DLGAP2: variants seen among roughly 807,000 people sequenced by gnomAD.
DLGAP2 encodes the protein DLG associated protein 2.
Under a neutral mutation model 100.3 loss-of-function variants are expected in DLGAP2, and 26 were observed. The observed-to-expected ratio is 0.26, with a 90% CI of 0.19 to 0.36. The LOEUF (loss-of-function observed/expected upper bound fraction) is 0.36. Ranked by LOEUF, DLGAP2 falls within the 10% of genes least tolerant of loss-of-function variation. DLGAP2 has a pLI of 1.00. For missense variants in DLGAP2, 1,858 were observed against 1,453.2 expected, an observed-to-expected ratio of 1.28 and a Z score of -4.53; for synonymous variants, 886 against 630.1, an observed-to-expected ratio of 1.41 and a Z score of -6.08.
chr8:973,142 A>G (rs1023774546), intron 2 of DLGAP2, among the ~76,000 whole-genome samples: 3 of 152,216 alleles, frequency 2.0e-5, no homozygotes, highest in Non-Finnish European at 4.4e-5. Context: ...TACACCTCCC[A>G]GATGGGGTGG....
intron 3 of DLGAP2, among the ~76,000 whole-genome samples, chr8:1,313,557 A>C (rs1347141772): frequency 1.3e-5 from 2 of 152,220 alleles, no homozygotes; most frequent in Non-Finnish European, 2.9e-5. Flanking sequence ...TGGGTTCCTC[A>C]TAAAGGTTTT....
At chr8:1,442,624 C>T (rs571608087) in intron 3 of DLGAP2, among the ~76,000 whole-genome samples, 2 of 144,892 alleles carry the variant, frequency 1.4e-5, no homozygotes, top group East Asian at 2.1e-4. Flanking sequence ...ATAGACCCGC[C>T]AGGCTGATGT....
chr8:1,553,252 G>A (rs751061141), intron 5 of DLGAP2, among the ~76,000 whole-genome samples: 2 of 152,162 alleles, frequency 1.3e-5, no homozygotes, highest in Non-Finnish European at 2.9e-5. Context: ...CGCGTCCTGC[G>A]CTCCTGGTTT....
At chr8:1,629,963 T>TA (rs1172003246) in intron 7 of DLGAP2, among the ~76,000 whole-genome samples, 2 of 152,178 alleles carry the variant, frequency 1.3e-5, no homozygotes, top group Non-Finnish European at 1.5e-5. Context: ...TCAGTGAAAA[T>TA]AACATTTTCT....
intron 3 of DLGAP2, among the ~76,000 whole-genome samples, chr8:1,327,841 C>A (rs996059769): frequency 6.6e-6 from 1 of 152,054 alleles, no homozygotes; most frequent in African/African-American, 2.4e-5. Flanking sequence ...GAGACTCCGT[C>A]TCAAAAAAAT....
intron 8 of DLGAP2, among the ~76,000 whole-genome samples, chr8:1,657,614 C>T (rs545661281): frequency 3.3e-5 from 5 of 152,332 alleles, no homozygotes; most frequent in Admixed American, 2.0e-4. Context: ...ACAATTCTAT[C>T]ACACAGGGCT....
intron 1 of DLGAP2, among the ~76,000 whole-genome samples, chr8:741,753 G>T (rs1373448238): frequency 6.6e-6 from 1 of 152,226 alleles, no homozygotes; most frequent in Admixed American, 6.5e-5. Context: ...GGGTTGGCTT[G>T]GCGGACCCTA....
At chr8:1,292,927 G>A (rs1002728013) in intron 3 of DLGAP2, among the ~76,000 whole-genome samples, 13 of 152,098 alleles carry the variant, frequency 8.5e-5, no homozygotes, top group Non-Finnish European at 1.8e-4. Flanking sequence ...TCCTAAGCAC[G>A]TGTCCTCCCT....
intron 3 of DLGAP2, among the ~76,000 whole-genome samples, chr8:1,472,864 C>G (rs1211983381): frequency 6.6e-6 from 1 of 152,236 alleles, no homozygotes; most frequent in Non-Finnish European, 1.5e-5. Context: ...ATACTTTTCA[C>G]ATGGCCCATA....
intron 1 of DLGAP2, among the ~76,000 whole-genome samples, chr8:747,379 C>T (rs56229919): frequency 0.19 from 28,720 of 151,800 alleles, 3,343 homozygotes; most frequent in Non-Finnish European, 0.26. Flanking sequence ...GCCAGTCACG[C>T]GATGGGCTTC....
At chr8:1,617,532 A>C (rs1482958586) in intron 6 of DLGAP2, among the ~76,000 whole-genome samples, 1 of 152,192 alleles carries the variant, frequency 6.6e-6, no homozygotes, top group African/African-American at 2.4e-5. Flanking sequence ...CTTCGTTTGA[A>C]AAGTGTCTGT....
At chr8:1,370,431 TAGTG>T (rs1261692042) in intron 3 of DLGAP2, among the ~76,000 whole-genome samples, 1 of 152,200 alleles carries the variant, frequency 6.6e-6, no homozygotes, top group Non-Finnish European at 1.5e-5. Context: ...GCTTTCAAAA[TAGTG>T]AGGTGGAAAA....
At chr8:1,000,488 C>T (rs559277388) in intron 2 of DLGAP2, among the ~76,000 whole-genome samples, 16 of 150,470 alleles carry the variant, frequency 1.1e-4, no homozygotes, top group East Asian at 3.9e-4. Flanking sequence ...CGGACAGATC[C>T]GGGTGGGGGT....
intron 13 of DLGAP2, among the ~76,000 whole-genome samples, chr8:1,695,355 G>A (rs1177909016): frequency 9.0e-5 from 13 of 144,616 alleles, no homozygotes; most frequent in Middle Eastern, 3.5e-3. Flanking sequence ...GAAAGAGGGG[G>A]CACAGCCATG....
chr8:900,325 T>C (rs1196786810), intron 1 of DLGAP2, among the ~76,000 whole-genome samples: 6 of 124,234 alleles, frequency 4.8e-5, no homozygotes, highest in African/African-American at 1.3e-4. Context: ...CTCTTCACGG[T>C]GTCGCTCCCG....
At chr8:1,451,121 A>C (rs764330996) in intron 3 of DLGAP2, among the ~76,000 whole-genome samples, 3 of 152,050 alleles carry the variant, frequency 2.0e-5, no homozygotes, top group Non-Finnish European at 4.4e-5. Context: ...TCTGTGGGCC[A>C]TGGGTGGGAC....
At chr8:1,289,177 T>C (rs796181814) in intron 3 of DLGAP2, among the ~76,000 whole-genome samples, 23 of 152,332 alleles carry the variant, frequency 1.5e-4, no homozygotes, top group African/African-American at 5.5e-4. Context: ...GCTGTGTTTA[T>C]GTCCTAGTAA....
chr8:1,337,803 G>T (rs1170173579), intron 3 of DLGAP2, among the ~76,000 whole-genome samples: 2 of 152,172 alleles, frequency 1.3e-5, no homozygotes, highest in African/African-American at 2.4e-5. Context: ...TATCTGAGAA[G>T]ACTCTAGTGT....
intron 2 of DLGAP2, among the ~76,000 whole-genome samples, chr8:1,195,383 C>T (rs185238131): frequency 2.8e-4 from 42 of 152,240 alleles, no homozygotes; most frequent in African/African-American, 8.2e-4. Flanking sequence ...AGGTCAGAGA[C>T]GGAGGATATA....
Sources: gnomAD v4.1 joint callset for allele counts (sites outside exome capture counted in the v4.1 genomes callset) on GRCh38, gnomAD v4.1.1 for gene constraint, MANE v1.5 for transcripts, NCBI Gene and HGNC (gene_info 2026-07-23, HGNC 2026-07-21) for gene names.